The following LAMC2 variants were observed in gnomAD, a reference collection of about 807,000 sequenced individuals.
LAMC2 encodes laminin subunit gamma 2, also known as laminin subunit gamma-2.
LAMC2 carries 97 observed loss-of-function variants against 140.2 expected under a neutral mutation model. That is an observed-to-expected ratio of 0.69 (90% confidence interval 0.59 to 0.82). The LOEUF is 0.82. LAMC2 is among the 40% of genes least tolerant of loss of function. LAMC2 has a pLI of 0.00. For synonymous variants in LAMC2, 513 were observed against 540.2 expected (o/e 0.95, Z 0.70); for missense variants, 1,402 against 1,476.1 (o/e 0.95, Z 0.82).
At position 183,227,711 on chromosome 1, in the gene LAMC2, T is replaced by C; in HGVS notation, c.1468+14T>C. On this transcript the variant is annotated intron_variant, in intron 10 of 22. Transcript: ENST00000264144. ...CCGGGGTCACCGGTAAGGCCATGGGTCTGCTCTGCCACCTGCCTCTTCCTG... is the reference window on the plus strand; with the variant it reads ...CCGGGGTCACCGGTAAGGCCATGGGCCTGCTCTGCCACCTGCCTCTTCCTG... 6.2e-7 allele frequency: 1 copy of C among 1,613,034 alleles called. No homozygotes were observed. Among genetic ancestry groups the C allele is most frequent in the Non-Finnish European group, 8.5e-7 (1 of 1,179,132 alleles).
chr1:183,255,671 T>G, the LAMC2 span, among the ~76,000 whole-genome samples: 2 of 147,660 alleles, frequency 1.4e-5, no homozygotes, highest in African/African-American at 5.2e-5. Flanking sequence ...GGTTTTTTTT[T>G]TTTTTTTTTT....
chr1:183,248,124 C>T (rs1660277255), downstream of LAMC2: 1 of 152,448 alleles, frequency 6.6e-6, no homozygotes, highest in African/African-American at 2.4e-5. Context: ...AGGCAGGAAA[C>T]TGCTTGTTCT....
At chr1:183,201,813 A>G (rs1028771) in intron 1 of LAMC2, among the ~76,000 whole-genome samples, 2 of 152,214 alleles carry the variant, frequency 1.3e-5, no homozygotes, top group African/African-American at 2.4e-5. Flanking sequence ...TGAAGTCTTC[A>G]TCAGCATATC....
At chr1:183,226,572 G>A in intron 8 of LAMC2, 126 bp from the exon 9 acceptor site, 1 of 825,434 alleles carries the variant, frequency 1.2e-6, no homozygotes, top group Non-Finnish European at 2.1e-6. Context: ...CTCTCTACAT[G>A]GCATGATATA....
At chr1:183,200,561 C>T (rs938495562) in intron 1 of LAMC2, among the ~76,000 whole-genome samples, 6 of 152,130 alleles carry the variant, frequency 3.9e-5, no homozygotes, top group Non-Finnish European at 8.8e-5. Context: ...TATTTCAAGG[C>T]CTTGTCCTGC....
downstream of LAMC2, chr1:183,249,532 G>A (rs192493402): frequency 3.3e-5 from 5 of 152,218 alleles, no homozygotes; most frequent in Admixed American, 2.0e-4. Context: ...AGACAAAGTC[G>A]GGGGGTAGAG....
intron 1 of LAMC2, among the ~76,000 whole-genome samples, chr1:183,197,183 T>C (rs1658545258): frequency 6.6e-6 from 1 of 152,200 alleles, no homozygotes; most frequent in South Asian, 2.1e-4. Flanking sequence ...GGTCTAGATA[T>C]GGCTATAGTG....
At chr1:183,212,963 C>A (rs572436782) in intron 2 of LAMC2, among the ~76,000 whole-genome samples, 3 of 152,358 alleles carry the variant, frequency 2.0e-5, no homozygotes, top group African/African-American at 7.2e-5. Flanking sequence ...CCCTCCTTCT[C>A]TTCTCACTCA....
Position 183,243,603 on chromosome 1 carries a change from A to T in LAMC2, c.*203A>T. The T allele has an allele frequency of 1.6e-6, 1 of 630,362 alleles. No homozygotes were observed. The allele number at this position is 630,362 out of a possible 1,614,324, so 39.0% of individuals were successfully genotyped here. On this transcript the variant is annotated 3_prime_UTR_variant, in exon 23 of 23. Coordinates refer to ENST00000264144, the MANE Select transcript of LAMC2 (RefSeq NM_005562.3). ...ACTCCTTGCTTCCTGATGCTGGGCA[A>T]TGAGGCAGATAGCACTGGGTGTGAG...
intron 22 of LAMC2, 142 bp downstream of exon 22, chr1:183,240,533 G>C: frequency 1.4e-6 from 2 of 1,459,520 alleles, no homozygotes; most frequent in African/African-American, 1.4e-5. Context: ...TCCAGGCCCA[G>C]ATAACTTTCG....
chr1:183,208,030 GA>G lies in LAMC2; in HGVS notation c.232del (p.Arg78GlyfsTer31). 1 of 1,614,166 alleles carries G rather than the reference GA, an allele frequency of 6.2e-7. No homozygotes were observed. Among genetic ancestry groups the G allele is most frequent in the Non-Finnish European group, 8.5e-7 (1 of 1,180,028 alleles). The part of the protein sequence containing the change: ...KCKNGFYRHR[E>X]RDRCLPCNCN... ...CAAGAATGGCTTTTACCGGCACAGAGAAAGGGACCGCTGTTTGCCCTGCAAT... is the reference window on the plus strand; with the variant it reads ...CAAGAATGGCTTTTACCGGCACAGAGAAGGGACCGCTGTTTGCCCTGCAAT... On this transcript the variant is annotated frameshift_variant, in exon 2 of 23. Transcript: ENST00000264144. LOFTEE classifies it high-confidence loss of function.
Position 183,226,920 on chromosome 1 carries a change from A to G in LAMC2, c.1285+4A>G, listed in dbSNP as rs756297475. ...GGGGCCTGTGATCCAGACACAGGTG[A>G]GTGAAATGACACCTGGACCAGGTGG... On this transcript the variant is annotated splice_donor_region_variant and intron_variant, in intron 9 of 22. Transcript: ENST00000264144. 4.0e-5 allele frequency: 64 copies of G among 1,610,628 alleles called. No homozygotes were observed. The highest frequency in any genetic ancestry group is 5.4e-5 in the Non-Finnish European group (64 of 1,177,154).
downstream of LAMC2, chr1:183,250,059 G>A (rs973776251): frequency 2.0e-5 from 3 of 152,096 alleles, no homozygotes; most frequent in Non-Finnish European, 4.4e-5. Context: ...AAAAGAAATC[G>A]AGCCTTCCTC....
At position 183,227,567 on chromosome 1, in the gene LAMC2, A is replaced by G. The variant is rs1305276569; in HGVS notation, c.1338A>G (p.Pro446=). ...ENPDIECADC[P]IGFYNDPHDP... The stretch of plus-strand genomic sequence containing the variant: ...CTGACATTGAGTGTGCTGACTGCCC[A>G]ATTGGTTTCTACAACGATCCGCACG... The change falls in exon 10 of 23, where the codon CCA becomes CCG. Residue 446 remains proline, a synonymous_variant. Transcript: ENST00000264144. The G allele has an allele frequency of 5.6e-6, 9 of 1,613,948 alleles. No homozygotes were observed. The highest frequency in any genetic ancestry group is 7.6e-6 in the Non-Finnish European group (9 of 1,180,030).
intron 10 of LAMC2, among the ~76,000 whole-genome samples, 159 bp downstream of exon 10, chr1:183,227,856 T>C (rs113148861): frequency 6.6e-4 from 100 of 152,280 alleles, no homozygotes; most frequent in African/African-American, 2.4e-3. Context: ...AGATAAGATA[T>C]TGCAATGCCC....
Position 183,243,266 on chromosome 1 carries a change from C to T in LAMC2, c.3448C>T (p.Arg1150Cys), listed in dbSNP as rs779406247. 1.3e-5 allele frequency: 21 copies of T among 1,614,072 alleles called. No individual in the cohort carries two copies. The highest frequency in any genetic ancestry group is 3.3e-4 in the Middle Eastern group (2 of 6,062). The change falls in exon 23 of 23, where the codon CGT becomes TGT. Residue 1150 changes from arginine to cysteine, a missense_variant. Physicochemically the swap from Arg to Cys is radical, Grantham distance 180 (BLOSUM62 -3). Coordinates refer to ENST00000264144, the MANE Select transcript of LAMC2 (RefSeq NM_005562.3). Reference sequence around the variant, plus strand: ...GATGTCAGAGCTGGAAGAGAGGGCACGTCAGCAGAGGGGCCACCTCCATTT... The same window carrying T: ...GATGTCAGAGCTGGAAGAGAGGGCATGTCAGCAGAGGGGCCACCTCCATTT... The part of the protein sequence containing the change: ...PMMSELEERA[R>C]QQRGHLHLLE...
At chr1:183,211,220 C>T (rs990158722) in intron 2 of LAMC2, among the ~76,000 whole-genome samples, 3 of 152,180 alleles carry the variant, frequency 2.0e-5, no homozygotes, top group Non-Finnish European at 4.4e-5. Flanking sequence ...GCTCTTCCAA[C>T]CACATATTTA....
chr1:183,203,823 C>T (rs1292287629), intron 1 of LAMC2, among the ~76,000 whole-genome samples: 1 of 152,122 alleles, frequency 6.6e-6, no homozygotes, highest in Non-Finnish European at 1.5e-5. Context: ...GAGGCCCATA[C>T]ATCCCCTCAC....
intron 2 of LAMC2, among the ~76,000 whole-genome samples, chr1:183,208,988 T>G (rs537980340): frequency 1.7e-4 from 26 of 151,716 alleles, no homozygotes; most frequent in Non-Finnish European, 3.2e-4. Context: ...TAGTTGTTTT[T>G]TTTTTTTTTT....
Sources: allele counts gnomAD v4.1 joint callset (sites outside exome capture counted in the v4.1 genomes callset), GRCh38; gene constraint gnomAD v4.1.1; transcripts MANE v1.5; gene names NCBI Gene and HGNC (gene_info 2026-07-23, HGNC 2026-07-21).